The following UNC5B variants were observed in gnomAD, a reference collection of about 807,000 sequenced individuals.
UNC5B encodes netrin receptor UNC5B.
In UNC5B, 56 loss-of-function variants were observed where a neutral mutation model predicts 103.7. The observed-to-expected ratio is 0.54, with a 90% CI of 0.44 to 0.67. UNC5B has a LOEUF of 0.67. UNC5B is among the 30% of genes least tolerant of loss of function. UNC5B has a pLI of 0.00. For missense variants in UNC5B, 1,194 were observed against 1,284.5 expected (o/e 0.93, Z 1.08); for synonymous variants, 577 against 542.0 (o/e 1.06, Z -0.90).
intron 1 of UNC5B, among the ~76,000 whole-genome samples, chr10:71,252,826 G>A (rs889731754): frequency 2.6e-5 from 4 of 152,166 alleles, no homozygotes; most frequent in African/African-American, 9.7e-5. Flanking sequence ...GTGACAGCAG[G>A]AGCCCCAGAG....
At chr10:71,272,357 C>T (rs750974414) in intron 1 of UNC5B, among the ~76,000 whole-genome samples, 8 of 152,170 alleles carry the variant, frequency 5.3e-5, no homozygotes, top group Non-Finnish European at 1.0e-4. Context: ...TACAGATGCC[C>T]ACCCCTGGTG....
chr10:71,264,648 G>C (rs1047981070), intron 1 of UNC5B, among the ~76,000 whole-genome samples: 1 of 152,198 alleles, frequency 6.6e-6, no homozygotes, highest in Admixed American at 6.5e-5. Context: ...TATTTCTGTC[G>C]GGAGGCAAGA....
chr10:71,234,696 G>A (rs1221779630), intron 1 of UNC5B, among the ~76,000 whole-genome samples: 2 of 152,202 alleles, frequency 1.3e-5, no homozygotes, highest in Admixed American at 6.5e-5. Flanking sequence ...CCATTCTACA[G>A]GTGAGAGCAC....
chr10:71,297,435 T>C (rs1452771722), intron 15 of UNC5B, among the ~76,000 whole-genome samples: 2 of 152,200 alleles, frequency 1.3e-5, no homozygotes, highest in Non-Finnish European at 1.5e-5. Flanking sequence ...AAAATCCGGA[T>C]TGAGATTTAA....
At chr10:71,285,182 A>G in intron 3 of UNC5B, 144 bp from the exon 4 acceptor site, 2 of 904,004 alleles carry the variant, frequency 2.2e-6, no homozygotes, top group South Asian at 1.5e-5. Context: ...TCCTTTGGAG[A>G]AGAGGAAATT....
At chr10:71,286,347 T>C (rs1462539201) in intron 4 of UNC5B, among the ~76,000 whole-genome samples, 2 of 152,232 alleles carry the variant, frequency 1.3e-5, no homozygotes, top group African/African-American at 4.8e-5. Flanking sequence ...CTAGCACCTA[T>C]TTAGTTAGTT....
chr10:71,272,231 A>G lies in UNC5B; in HGVS notation c.80-7590A>G, dbSNP rs115062232. Among the ~76,000 whole-genome samples, 442 of 152,204 alleles carry G rather than the reference A, an allele frequency of 2.9e-3. 4 individuals carry two copies. The highest frequency in any genetic ancestry group is 0.01 in the African/African-American group (425 of 41,504). On this transcript the variant is annotated intron_variant, in intron 1 of 16. Coordinates refer to ENST00000335350, the MANE Select transcript of UNC5B (RefSeq NM_170744.5). ...GTCCAGGGGCTAGAGAAAGACTGTGATTGCTGATGATAAATGTGCCCAGCG... is the reference window on the plus strand; with the variant it reads ...GTCCAGGGGCTAGAGAAAGACTGTGGTTGCTGATGATAAATGTGCCCAGCG...
chr10:71,242,134 G>C (rs1457730167), intron 1 of UNC5B, among the ~76,000 whole-genome samples: 1 of 152,134 alleles, frequency 6.6e-6, no homozygotes, highest in South Asian at 2.1e-4. Context: ...GACATGGGGG[G>C]GCGTGGCATT....
intron 3 of UNC5B, 119 bp downstream of exon 3, chr10:71,284,982 C>T (rs13376755): frequency 0.027 from 37,514 of 1,413,184 alleles, 714 homozygotes; most frequent in African/African-American, 0.085. Flanking sequence ...AGGATGCCCA[C>T]GGCAGAGACA....
chr10:71,252,807 G>A (rs1282098536), intron 1 of UNC5B, among the ~76,000 whole-genome samples: 5 of 152,158 alleles, frequency 3.3e-5, no homozygotes, highest in East Asian at 1.9e-4. Flanking sequence ...TCCAGAGAGC[G>A]GGCAGGGAGT....
chr10:71,283,324 C>T (rs907408837), intron 2 of UNC5B, among the ~76,000 whole-genome samples: 1 of 152,118 alleles, frequency 6.6e-6, no homozygotes, highest in Non-Finnish European at 1.5e-5. Flanking sequence ...GTGTCTGGCC[C>T]GGGCTGGGCG....
chr10:71,226,778 G>T (rs937672974), intron 1 of UNC5B, among the ~76,000 whole-genome samples: 1 of 152,180 alleles, frequency 6.6e-6, no homozygotes, highest in African/African-American at 2.4e-5. Flanking sequence ...CCATATTAAT[G>T]AATCTGAGGA....
chr10:71,262,383 A>G (rs1167183178), intron 1 of UNC5B, among the ~76,000 whole-genome samples: 2 of 136,126 alleles, frequency 1.5e-5, no homozygotes, highest in African/African-American at 2.8e-5. Flanking sequence ...GGCTGGGGGG[A>G]TGGGGCAGGG....
chr10:71,228,722 G>A (rs1322339601), intron 1 of UNC5B, among the ~76,000 whole-genome samples: 1 of 152,226 alleles, frequency 6.6e-6, no homozygotes. Context: ...GTTGTGGAGG[G>A]GGCTTGAGCA....
chr10:71,295,046 T>C (rs1036733219), intron 13 of UNC5B, among the ~76,000 whole-genome samples: 12 of 152,190 alleles, frequency 7.9e-5, no homozygotes, highest in African/African-American at 2.9e-4. Context: ...TCCTGCTCCC[T>C]GGCCCCGTCC....
At chr10:71,263,517 C>G (rs1844460300) in intron 1 of UNC5B, among the ~76,000 whole-genome samples, 1 of 152,176 alleles carries the variant, frequency 6.6e-6, no homozygotes, top group Non-Finnish European at 1.5e-5. Flanking sequence ...CGGAAGCAGA[C>G]ACAAAGAGAA....
At chr10:71,269,343 T>TCCCCC (rs3059586) in intron 1 of UNC5B, among the ~76,000 whole-genome samples, 114 of 130,362 alleles carry the variant, frequency 8.7e-4, no homozygotes, top group Non-Finnish European at 1.1e-3. Flanking sequence ...AAAAATGAAG[T>TCCCCC]CCCCCCCCCA....
At position 71,302,813 on chromosome 10, in the gene UNC5B, T is replaced by C. The variant is rs1474933756; in HGVS notation, c.*3536T>C. 2.0e-5 allele frequency: 3 copies of C among 152,208 alleles called. No individual in the cohort carries two copies. Among genetic ancestry groups the C allele is most frequent in the Non-Finnish European group, 2.9e-5 (2 of 68,024 alleles). 9.4% of individuals were successfully genotyped at this position (152,208 alleles called of 1,614,324 possible). On this transcript the variant is annotated 3_prime_UTR_variant, in exon 17 of 17. Coordinates refer to ENST00000335350, the MANE Select transcript of UNC5B (RefSeq NM_170744.5). ...TATAAATAACCTTTAGCATTCCTAT[T>C]GTAACAAAATTAATTTTTATGAAAT...
rs1320007157 is a variant in UNC5B at position 71,301,289 on chromosome 10, G to A, written c.*2012G>A. 1 of 152,252 alleles carries A rather than the reference G, an allele frequency of 6.6e-6. No individual in the cohort carries two copies. The highest frequency in any genetic ancestry group is 1.5e-5 in the Non-Finnish European group (1 of 68,064). 9.4% of individuals were successfully genotyped at this position (152,252 alleles called of 1,614,324 possible). On this transcript the variant is annotated 3_prime_UTR_variant, in exon 17 of 17. Coordinates refer to ENST00000335350, the MANE Select transcript of UNC5B (RefSeq NM_170744.5). Reference sequence around the variant, plus strand: ...CCCTGCCATGGACTCAGTAGCTCGTGGGGCTTCTTACCACCCACCAGCCCC... The same window carrying A: ...CCCTGCCATGGACTCAGTAGCTCGTAGGGCTTCTTACCACCCACCAGCCCC...
Sources: gnomAD v4.1 joint callset for allele counts (sites outside exome capture counted in the v4.1 genomes callset) on GRCh38, gnomAD v4.1.1 for gene constraint, MANE v1.5 for transcripts, NCBI Gene and HGNC (gene_info 2026-07-23, HGNC 2026-07-21) for gene names.